Variants in PLCE1 observed in about 807,000 individuals in gnomAD.
PLCE1 encodes phospholipase C epsilon 1.
A neutral mutation model predicts 242.8 loss-of-function variants in PLCE1; 119 were observed. The observed-to-expected ratio is 0.49, with a 90% confidence interval of 0.42 to 0.57. The LOEUF (loss-of-function observed/expected upper bound fraction) is 0.57, where lower values mean the gene tolerates loss of function less well. Among genes scored for constraint, PLCE1 ranks in the 20% least tolerant of loss-of-function variants. The pLI, the probability that PLCE1 is intolerant of heterozygous loss-of-function variation, is 0.00. For synonymous variants in PLCE1, 945 were observed against 1,017.4 expected, an observed-to-expected ratio of 0.93 and a Z score of 1.35; for missense variants, 2,441 against 2,788.8, an observed-to-expected ratio of 0.88 and a Z score of 2.81.
chr10:94,019,577 G>A (rs188016441), intron 1 of PLCE1, among the ~76,000 whole-genome samples: 1 of 152,254 alleles, frequency 6.6e-6, no homozygotes, highest in African/African-American at 2.4e-5. Flanking sequence ...TGATGGAAAT[G>A]TTCTCTATAT....
chr10:94,120,654 C>T (rs1381906960), intron 2 of PLCE1: 1 of 152,188 alleles, frequency 6.6e-6, no homozygotes, highest in Admixed American at 6.5e-5. Context: ...AGGATCTCTG[C>T]TTGCAGACCC....
intron 2 of PLCE1, among the ~76,000 whole-genome samples, chr10:94,097,096 A>T (rs528213730): frequency 1.3e-5 from 2 of 152,356 alleles, no homozygotes; most frequent in African/African-American, 4.8e-5. Flanking sequence ...ACTGAGGACC[A>T]GAGACATGGA....
intron 4 of PLCE1, among the ~76,000 whole-genome samples, chr10:94,211,034 G>A (rs918554318): frequency 6.6e-6 from 1 of 152,192 alleles, no homozygotes; most frequent in Non-Finnish European, 1.5e-5. Flanking sequence ...CAAGTCTGCC[G>A]CCACTGCCAC....
chr10:94,142,178 A>T (rs953387817), intron 3 of PLCE1, among the ~76,000 whole-genome samples: 1 of 152,120 alleles, frequency 6.6e-6, no homozygotes, highest in African/African-American at 2.4e-5. Context: ...AATGGGAATA[A>T]AAGCAACAAC....
At chr10:94,258,680 C>G in intron 11 of PLCE1, 120 bp from the exon 12 acceptor site, 2 of 1,155,100 alleles carry the variant, frequency 1.7e-6, no homozygotes, top group Non-Finnish European at 2.6e-6. Flanking sequence ...AAAATAGCTT[C>G]AATCTTAAAT....
chr10:94,038,381 C>T (rs2134595759), intron 2 of PLCE1, among the ~76,000 whole-genome samples: 1 of 152,216 alleles, frequency 6.6e-6, no homozygotes, highest in South Asian at 2.1e-4. Context: ...CCAAATGGTG[C>T]CCCTTTCAGT....
chr10:94,289,516 TAC>T (rs1357445555), intron 22 of PLCE1, among the ~76,000 whole-genome samples: 1 of 152,224 alleles, frequency 6.6e-6, no homozygotes, highest in African/African-American at 2.4e-5. Flanking sequence ...TAGACAAAGC[TAC>T]AGTGTAGCCT....
At chr10:94,019,850 A>G (rs2061346779) in intron 1 of PLCE1, among the ~76,000 whole-genome samples, 1 of 152,178 alleles carries the variant, frequency 6.6e-6, no homozygotes, top group South Asian at 2.1e-4. Context: ...AATGGAAATC[A>G]TTCCTTTTAT....
At position 94,265,934 on chromosome 10, in the gene PLCE1, A is replaced by C; in HGVS notation, c.4257A>C (p.Glu1419Asp). 6.2e-7 allele frequency: 1 copy of C among 1,614,102 alleles called. No homozygotes were observed. The change falls in exon 16 of 33, where the codon GAA becomes GAC. Residue 1419 changes from glutamate to aspartate, a missense_variant. By Grantham distance (45) the Glu-to-Asp change is conservative. Coordinates refer to ENST00000371380, the MANE Select transcript of PLCE1 (RefSeq NM_016341.4). Reference sequence around the variant, plus strand: ...TCACGGGCCATCAGCTCAAAGGAGAATCCTCGGTAGAACTCTACAGCCAGG... The same window carrying C: ...TCACGGGCCATCAGCTCAAAGGAGACTCCTCGGTAGAACTCTACAGCCAGG... The part of the protein sequence containing the change: ...TYLTGHQLKG[E>D]SSVELYSQVL...
intron 2 of PLCE1, among the ~76,000 whole-genome samples, chr10:94,037,677 C>T (rs1201488396): frequency 2.6e-5 from 4 of 152,112 alleles, no homozygotes; most frequent in Non-Finnish European, 1.5e-5. Flanking sequence ...ATGTCTAGTG[C>T]CTCAGTGGAA....
chr10:94,311,222 G>A (rs998880868), intron 27 of PLCE1, among the ~76,000 whole-genome samples: 6 of 152,198 alleles, frequency 3.9e-5, no homozygotes, highest in African/African-American at 7.2e-5. Flanking sequence ...ACCTGGGCAT[G>A]ATTGGTTCAA....
intron 2 of PLCE1, among the ~76,000 whole-genome samples, chr10:94,044,645 T>C (rs2134682839): frequency 6.6e-6 from 1 of 152,354 alleles, no homozygotes; most frequent in South Asian, 2.1e-4. Flanking sequence ...CTGAGCCTCA[T>C]GGGCACAAAG....
intron 3 of PLCE1, among the ~76,000 whole-genome samples, chr10:94,137,176 G>A (rs965012897): frequency 2.0e-5 from 3 of 152,124 alleles, no homozygotes; most frequent in African/African-American, 7.2e-5. Flanking sequence ...CTGGGCGACA[G>A]AGCAAGACTC....
At chr10:94,317,209 C>T (rs762172148) in intron 29 of PLCE1, among the ~76,000 whole-genome samples, 4 of 152,032 alleles carry the variant, frequency 2.6e-5, no homozygotes, top group Non-Finnish European at 2.9e-5. Flanking sequence ...GAGCTGAGAT[C>T]GTGCCATTGT....
At chr10:94,202,253 T>C (rs1299781446) in intron 4 of PLCE1, among the ~76,000 whole-genome samples, 1 of 152,180 alleles carries the variant, frequency 6.6e-6, no homozygotes, top group Non-Finnish European at 1.5e-5. Flanking sequence ...AAAATTCCCG[T>C]ATTCCTTTTA....
At position 94,306,757 on chromosome 10, in the gene PLCE1, C is replaced by A. The variant is rs1327483159; in HGVS notation, c.5884+69C>A. 3 of 1,163,558 alleles carry A rather than the reference C, an allele frequency of 2.6e-6. No homozygotes were observed. Among genetic ancestry groups the A allele is most frequent in the African/African-American group, 3.0e-5 (2 of 65,758 alleles). The allele number at this position is 1,163,558 out of a possible 1,614,324, so 72.1% of individuals were successfully genotyped here. A position where few individuals can be genotyped will look rare whatever the true frequency, so the allele number is the denominator to read the frequency against. On this transcript the variant is annotated intron_variant, in intron 26 of 32. Transcript: ENST00000371380. The surrounding 1 kb of genome is among the most constrained non-coding windows in gnomAD (Gnocchi z 5.7). ...TGATGGATGCCAGAATTTCCTTATA[C>A]TCTTCTCTCTTTTCTGTTTGACATT...
intron 4 of PLCE1, among the ~76,000 whole-genome samples, chr10:94,181,104 T>C (rs2048296287): frequency 6.6e-6 from 1 of 152,232 alleles, no homozygotes; most frequent in South Asian, 2.1e-4. Flanking sequence ...CTGGCACGCA[T>C]GCACTCATTC....
chr10:94,124,385 A>G (rs1202377438), intron 2 of PLCE1, among the ~76,000 whole-genome samples: 1 of 151,038 alleles, frequency 6.6e-6, no homozygotes, highest in Non-Finnish European at 1.5e-5. Context: ...CTCAGAGAAA[A>G]AAAAAAAAAA....
chr10:94,264,800 G>A (rs1380914707), intron 14 of PLCE1, among the ~76,000 whole-genome samples: 2 of 152,076 alleles, frequency 1.3e-5, no homozygotes, highest in African/African-American at 2.4e-5. Context: ...GATTACAGGC[G>A]TGAGCCACCG....
Sources: gnomAD v4.1 joint callset for allele counts (sites outside exome capture counted in the v4.1 genomes callset) on GRCh38, gnomAD v4.1.1 for gene constraint, Gnocchi (gnomAD v3.1) non-coding constraint, MANE v1.5 for transcripts, NCBI Gene and HGNC (gene_info 2026-07-23, HGNC 2026-07-21) for gene names.